The following TRAF7 variants were observed in gnomAD, a reference collection of about 807,000 sequenced individuals.
TRAF7 encodes the protein E3 ubiquitin-protein ligase TRAF7.
TRAF7 carries 45 observed loss-of-function variants against 89.3 expected under a neutral mutation model. The ratio of observed to expected loss-of-function variants is 0.50; its 90% CI spans 0.40 to 0.65. The LOEUF is 0.65. TRAF7 is among the 30% of genes least tolerant of loss of function. The pLI is 0.00. For synonymous variants in TRAF7, 406 were observed against 369.2 expected, an observed-to-expected ratio of 1.10 and a Z score of -1.14; for missense variants, 677 against 918.1, an observed-to-expected ratio of 0.74 and a Z score of 3.39.
intron 3 of TRAF7, among the ~76,000 whole-genome samples, 184 bp downstream of exon 3, chr16:2,166,120 A>G (rs915090798): frequency 6.6e-6 from 1 of 152,202 alleles, no homozygotes; most frequent in Non-Finnish European, 1.5e-5. Flanking sequence ...CCCACTGGAC[A>G]GGAGTCGGGT....
rs77347363 is a variant in TRAF7, at chr16:2,166,023, C to T, written c.139+87C>T. The stretch of plus-strand genomic sequence containing the variant: ...CTGCTAAGGACTGAGGGACACTTCC[C>T]GGTGAGCTGGTGTTGGGTGCCAGTG... On this transcript the variant is annotated intron_variant, in intron 3 of 20. Coordinates refer to ENST00000326181, the MANE Select transcript of TRAF7 (RefSeq NM_032271.3). 4.8e-4 allele frequency: 732 copies of T among 1,539,144 alleles called. 7 individuals carry two copies. The East Asian group carries it at 0.013, about 28-fold the overall frequency.
chr16:2,157,922 G>A (rs973965505), intron 1 of TRAF7, among the ~76,000 whole-genome samples: 1 of 152,144 alleles, frequency 6.6e-6, no homozygotes, highest in Non-Finnish European at 1.5e-5. Context: ...TGCTGTCTGG[G>A]GTGCCTTCAC....
intron 4 of TRAF7, among the ~76,000 whole-genome samples, chr16:2,170,167 C>T (rs1020422123): frequency 2.6e-5 from 4 of 152,232 alleles, no homozygotes; most frequent in African/African-American, 9.6e-5. Flanking sequence ...GACAAGCAGC[C>T]AGGCCCGGGG....
intron 1 of TRAF7, among the ~76,000 whole-genome samples, chr16:2,156,976 G>A (rs528200889): frequency 3.5e-4 from 53 of 152,246 alleles, no homozygotes; most frequent in African/African-American, 1.2e-3. Context: ...TGAGTCTGGA[G>A]TCCAGGGGCA....
At chr16:2,164,142 G>T in intron 2 of TRAF7, 141 bp downstream of exon 2, 1 of 567,660 alleles carries the variant, frequency 1.8e-6, no homozygotes, top group Non-Finnish European at 3.0e-6. Context: ...GGGGTGTGGT[G>T]TGTGTGTGTG....
chr16:2,173,464 C>T lies in TRAF7; in HGVS notation c.1013-17C>T, dbSNP rs754760775. 5 of 1,612,986 alleles carry T rather than the reference C, an allele frequency of 3.1e-6. No homozygotes were observed. The East Asian group carries it at 8.9e-5, about 29-fold the overall frequency. ...GCTCCGGGCACCAGTGACACCCCCTCTCCTCCTGCTACTCAGACGTCCTGG... is the reference window on the plus strand; with the variant it reads ...GCTCCGGGCACCAGTGACACCCCCTTTCCTCCTGCTACTCAGACGTCCTGG... On this transcript the variant is annotated splice_polypyrimidine_tract_variant and intron_variant, in intron 10 of 20. Coordinates refer to ENST00000326181, the MANE Select transcript of TRAF7 (RefSeq NM_032271.3).
intron 1 of TRAF7, among the ~76,000 whole-genome samples, chr16:2,157,246 A>C (rs1372837167): frequency 6.6e-6 from 1 of 151,844 alleles, no homozygotes. Flanking sequence ...GGGCATTCAT[A>C]GTTCTCTGTG....
In TRAF7 at chr16:2,176,796, C is replaced by T. The variant is rs563525153; in HGVS notation, c.*222C>T. 3.3e-4 allele frequency: 219 copies of T among 667,268 alleles called. No individual in the cohort carries two copies. Among genetic ancestry groups the T allele is most frequent in the Admixed American group, 5.8e-4 (24 of 41,290 alleles). The allele number at this position is 667,268 out of a possible 1,614,324, so 41.3% of individuals were successfully genotyped here. The stretch of plus-strand genomic sequence containing the variant: ...CCCTCTCTGGGTGCCAGGTACGACG[C>T]TTGCCCCGGCCCACCCTCCATCCCC... On this transcript the variant is annotated 3_prime_UTR_variant, in exon 21 of 21. Transcript: ENST00000326181.
intron 1 of TRAF7, among the ~76,000 whole-genome samples, chr16:2,157,525 C>T (rs922594738): frequency 2.6e-5 from 4 of 152,204 alleles, no homozygotes; most frequent in Non-Finnish European, 5.9e-5. Context: ...CTGCCTGTGT[C>T]CCCCACAAGG....
chr16:2,174,980 C>G, intron 14 of TRAF7, 131 bp from the exon 15 acceptor site: 1 of 1,133,640 alleles, frequency 8.8e-7, no homozygotes, highest in Non-Finnish European at 1.3e-6. Context: ...CGCTTAAGGA[C>G]ACAGCAGTGG....
rs2093058980 is a variant in TRAF7 at position 2,161,704 on chromosome 16, C to T, written c.-38-2179C>T. Among the ~76,000 whole-genome samples, 1 of 152,162 alleles carries T rather than the reference C, an allele frequency of 6.6e-6. No homozygotes were observed. The highest frequency in any genetic ancestry group is 2.1e-4 in the South Asian group (1 of 4,834). On this transcript the variant is annotated intron_variant, in intron 1 of 20. Transcript: ENST00000326181. This position sits in a 1 kb window ranked among gnomAD's most constrained non-coding sequence, Gnocchi z 5.2. ...CCCAAAAGGGCTGAACCTCCTGTGC[C>T]GAGTCATGGCGCCCTGCACTTCAGG... is the stretch of plus-strand genomic sequence containing the variant.
intron 9 of TRAF7, 33 bp from the exon 10 acceptor site, chr16:2,173,149 C>T: frequency 1.3e-6 from 2 of 1,582,308 alleles, no homozygotes; most frequent in Non-Finnish European, 1.7e-6. Flanking sequence ...CCGGCAGGGA[C>T]CCGCCAGGCA....
At position 2,176,132 on chromosome 16, in the gene TRAF7, GCCAGA is replaced by G. The variant is rs2093134778; in HGVS notation, c.1839_1843del (p.Thr614SerfsTer48). The stretch of plus-strand genomic sequence containing the variant: ...TGTATGCCCTGGCGGTCATCTCGAC[GCCAGA>G]CCAGACCAAAGTCTTCAGTGCATCC... On this transcript the variant is annotated frameshift_variant, in exon 19 of 21. Coordinates refer to ENST00000326181, the MANE Select transcript of TRAF7 (RefSeq NM_032271.3). LOFTEE classifies it high-confidence loss of function. 3 of 1,610,250 alleles carry G rather than the reference GCCAGA, an allele frequency of 1.9e-6. No homozygotes were observed. Among genetic ancestry groups the G allele is most frequent in the Admixed American group, 1.7e-5 (1 of 59,916 alleles).
At chr16:2,164,168 G>C (rs79125340) in intron 2 of TRAF7, among the ~76,000 whole-genome samples, 167 bp downstream of exon 2, 3 of 114,816 alleles carry the variant, frequency 2.6e-5, no homozygotes, top group East Asian at 6.2e-4. Flanking sequence ...GTGCGCGCGC[G>C]CGCGCGCGCG....
In TRAF7 at chr16:2,156,187, TCTC is replaced by T. The variant is rs1480036538; in HGVS notation, c.-39+332_-39+334del. On this transcript the variant is annotated intron_variant, in intron 1 of 20. Coordinates refer to ENST00000326181, the MANE Select transcript of TRAF7 (RefSeq NM_032271.3). ...AGACCGCGGAGAACACGGTCCCAGT[TCTC>T]CTGTGCTCGGCGTCTGCTGCAGGGT... 9.9e-5 allele frequency among the ~76,000 whole-genome samples: 15 copies of T among 151,862 alleles called. No individual in the cohort carries two copies. The East Asian group carries it at 2.9e-3, about 29-fold the overall frequency.
Position 2,175,129 on chromosome 16 carries a change from C to T in TRAF7, c.1365C>T (p.Gly455=). The change falls in exon 15 of 21, where the codon GGC becomes GGT. Residue 455 remains glycine (G), a synonymous_variant. Transcript: ENST00000326181. ...TCCCCAGGTGCAAACTCTACAGCGG[C>T]TCTGCAGACTGCACCATCATTGTGA... is the stretch of plus-strand genomic sequence containing the variant. ...LCIQGCKLYS[G]SADCTIIVWD... 1 of 1,613,834 alleles carries T rather than the reference C, an allele frequency of 6.2e-7. No individual in the cohort carries two copies. Among genetic ancestry groups the T allele is most frequent in the South Asian group, 1.1e-5 (1 of 91,088 alleles).
At chr16:2,171,454 A>G in intron 6 of TRAF7, 98 bp downstream of exon 6, 1 of 1,553,490 alleles carries the variant, frequency 6.4e-7, no homozygotes, top group African/African-American at 1.4e-5. Flanking sequence ...GGCCTTGGTC[A>G]AGGCCTGTCC....
Position 2,178,102 on chromosome 16 carries a change from C to T in TRAF7, c.*1528C>T, listed in dbSNP as rs2141305130. 1 of 504,082 alleles carries T rather than the reference C, an allele frequency of 2.0e-6. No individual in the cohort carries two copies. The highest frequency in any genetic ancestry group is 1.6e-5 in the South Asian group (1 of 62,488). 31.2% of individuals were successfully genotyped at this position (504,082 alleles called of 1,614,324 possible). On this transcript the variant is annotated 3_prime_UTR_variant, in exon 21 of 21. Transcript: ENST00000326181. ...TGGGGAAATCCGCCTCAGCTCATTC[C>T]CAATAAATTAATACTCTTGATAGCT...
rs889798625 is a variant in TRAF7, at chr16:2,163,370, T to C, written c.-38-513T>C. 2.0e-4 allele frequency among the ~76,000 whole-genome samples: 31 copies of C among 152,294 alleles called. No individual in the cohort carries two copies. The highest frequency in any genetic ancestry group is 6.5e-4 in the African/African-American group (27 of 41,560). On this transcript the variant is annotated intron_variant, in intron 1 of 20. Coordinates refer to ENST00000326181, the MANE Select transcript of TRAF7 (RefSeq NM_032271.3). The surrounding 1 kb of genome is among the most constrained non-coding windows in gnomAD (Gnocchi z 4.3). ...GGTTCTTTCTCTGGGGTGTGGCTGG[T>C]GTCTCCCCGCTGCAGCCTGGTGCTG... is the stretch of plus-strand genomic sequence containing the variant.
Sources: allele counts gnomAD v4.1 joint callset (sites outside exome capture counted in the v4.1 genomes callset), GRCh38; gene constraint gnomAD v4.1.1; non-coding constraint Gnocchi (gnomAD v3.1); transcripts MANE v1.5; gene names NCBI Gene and HGNC (gene_info 2026-07-23, HGNC 2026-07-21).